TMEM117: variants seen among roughly 807,000 people sequenced by gnomAD.
The protein encoded by TMEM117 is transmembrane protein 117.
In TMEM117, 27 loss-of-function variants were observed where a neutral mutation model predicts 52.4. That is an observed-to-expected ratio of 0.51 (90% CI 0.38 to 0.71). The LOEUF is 0.71. TMEM117 is among the 30% of genes least tolerant of loss of function. The probability of loss-of-function intolerance (pLI) is 0.00; values close to 1 mark genes in which losing one functional copy is unlikely to be tolerated. For synonymous variants in TMEM117, 215 were observed against 206.3 expected (o/e 1.04, Z -0.36); for missense variants, 556 against 630.5 (o/e 0.88, Z 1.26).
rs560667880 is a variant in TMEM117 at position 44,254,393 on chromosome 12, A to G, written c.608+43006A>G. On this transcript the variant is annotated intron_variant, in intron 5 of 7. Transcript: ENST00000266534. ...GAAATGACTTCTAAATATACAAAAT[A>G]AAAACCTCATTATTGATAACACAAA... Among the ~76,000 whole-genome samples, 10 of 152,140 alleles carry G rather than the reference A, an allele frequency of 6.6e-5. No homozygotes were observed. The South Asian group carries it at 1.7e-3, about 25-fold the overall frequency.
chr12:43,816,788 A>C, the TMEM117 span, among the ~76,000 whole-genome samples: 2 of 152,260 alleles, frequency 1.3e-5, no homozygotes, highest in Non-Finnish European at 2.9e-5. Flanking sequence ...ATATTGTTGA[A>C]GTTATTGAAA....
intron 3 of TMEM117, among the ~76,000 whole-genome samples, chr12:44,010,731 A>G (rs1474346432): frequency 1.3e-5 from 2 of 152,152 alleles, no homozygotes; most frequent in East Asian, 3.9e-4. Context: ...CCCTTTTCCA[A>G]TAACACTGTA....
intron 6 of TMEM117, among the ~76,000 whole-genome samples, chr12:44,316,242 A>G (rs568838928): frequency 1.3e-5 from 2 of 151,912 alleles, no homozygotes; most frequent in African/African-American, 4.8e-5. Flanking sequence ...TCCCTTAAGG[A>G]CCTCTTTTAA....
chr12:44,129,644 G>A (rs886233166), intron 3 of TMEM117, among the ~76,000 whole-genome samples: 5 of 152,064 alleles, frequency 3.3e-5, no homozygotes, highest in Middle Eastern at 3.2e-3. Context: ...CTTTCAAATG[G>A]CACTAGATTT....
chr12:43,889,784 T>C (rs1944069027), intron 2 of TMEM117, among the ~76,000 whole-genome samples: 1 of 152,162 alleles, frequency 6.6e-6, no homozygotes, highest in Non-Finnish European at 1.5e-5. Flanking sequence ...CTTAAAACAA[T>C]GGGTGATTCT....
At chr12:43,902,784 G>A (rs889642675) in intron 2 of TMEM117, among the ~76,000 whole-genome samples, 3 of 152,074 alleles carry the variant, frequency 2.0e-5, no homozygotes, top group Non-Finnish European at 2.9e-5. Context: ...ATGGCATCAA[G>A]TAAAAATAGT....
chr12:44,126,862 G>A (rs1036968041), intron 3 of TMEM117, among the ~76,000 whole-genome samples: 1 of 152,168 alleles, frequency 6.6e-6, no homozygotes, highest in Non-Finnish European at 1.5e-5. Flanking sequence ...GTTGATGCTT[G>A]ACAGCATAAA....
intron 2 of TMEM117, among the ~76,000 whole-genome samples, chr12:43,903,963 A>G (rs1335390456): frequency 6.6e-6 from 1 of 152,106 alleles, no homozygotes; most frequent in Non-Finnish European, 1.5e-5. Flanking sequence ...ACAAAGCCCA[A>G]TTCTTTAACT....
intron 4 of TMEM117, among the ~76,000 whole-genome samples, chr12:44,186,986 A>G (rs1253284067): frequency 6.6e-6 from 1 of 152,142 alleles, no homozygotes; most frequent in Non-Finnish European, 1.5e-5. Context: ...AGTCATTTCA[A>G]CAGTGGGAGA....
chr12:44,158,716 CAAACTCT>C (rs996338002), intron 4 of TMEM117, among the ~76,000 whole-genome samples: 1 of 146,052 alleles, frequency 6.8e-6, no homozygotes, highest in East Asian at 2.2e-4. Flanking sequence ...TGGAAAATAA[CAAACTCT>C]AGAAACATTA....
chr12:43,970,716 C>T (rs545424688), intron 3 of TMEM117, among the ~76,000 whole-genome samples: 11 of 152,270 alleles, frequency 7.2e-5, no homozygotes, highest in Admixed American at 4.6e-4. Flanking sequence ...TCTGTGGTTT[C>T]GGGCGTCCAT....
chr12:44,028,126 GAGTGTGC>G (rs372182305), intron 3 of TMEM117, among the ~76,000 whole-genome samples: 35 of 152,302 alleles, frequency 2.3e-4, no homozygotes, highest in African/African-American at 8.2e-4. Context: ...CTGGGAGGTG[GAGTGTGC>G]AGTGAGCCGA....
chr12:44,220,009 G>A (rs1949767115), intron 5 of TMEM117, among the ~76,000 whole-genome samples: 1 of 152,096 alleles, frequency 6.6e-6, no homozygotes, highest in African/African-American at 2.4e-5. Context: ...ATTAGTTTTA[G>A]CATGCTCATT....
chr12:44,036,201 T>C (rs1350793177), intron 3 of TMEM117, among the ~76,000 whole-genome samples: 1 of 152,228 alleles, frequency 6.6e-6, no homozygotes, highest in East Asian at 1.9e-4. Context: ...TTAACAATGA[T>C]ATATGCATTT....
intron 3 of TMEM117, among the ~76,000 whole-genome samples, chr12:44,010,876 C>G (rs534414397): frequency 6.6e-5 from 10 of 152,290 alleles, no homozygotes; most frequent in African/African-American, 2.4e-4. Context: ...CATACATAAT[C>G]AGATACATTT....
At position 44,328,811 on chromosome 12, in the gene TMEM117, C is replaced by A. The variant is rs532906439; in HGVS notation, c.768+29072C>A. Among the ~76,000 whole-genome samples the A allele has an allele frequency of 5.9e-5, 9 of 151,986 alleles. No homozygotes were observed. In the East Asian group the frequency reaches 1.2e-3, roughly 20 times the overall value. On this transcript the variant is annotated intron_variant, in intron 6 of 7. Coordinates refer to ENST00000266534, the MANE Select transcript of TMEM117 (RefSeq NM_032256.3). ...AGAAAAGAAAGTGTCATAAATAGTT[C>A]TTAAATATAGATTTTATCAGTAAAC...
intron 3 of TMEM117, among the ~76,000 whole-genome samples, chr12:44,082,089 A>G (rs191544571): frequency 3.3e-5 from 5 of 152,070 alleles, no homozygotes; most frequent in Admixed American, 6.6e-5. Flanking sequence ...GACAGCAACT[A>G]TTGCTCATCT....
chr12:44,212,103 A>G (rs149200773), intron 5 of TMEM117, among the ~76,000 whole-genome samples: 100 of 152,320 alleles, frequency 6.6e-4, no homozygotes, highest in Non-Finnish European at 1.2e-3. Context: ...TTTCCCCCTT[A>G]TCTATGGTTT....
intron 5 of TMEM117, among the ~76,000 whole-genome samples, chr12:44,283,436 G>A (rs1195357363): frequency 3.3e-5 from 5 of 152,320 alleles, no homozygotes; most frequent in Non-Finnish European, 7.3e-5. Context: ...TTGCATCAGC[G>A]TGACCTGATT....
Sources: allele counts gnomAD v4.1 joint callset (sites outside exome capture counted in the v4.1 genomes callset), GRCh38; gene constraint gnomAD v4.1.1; transcripts MANE v1.5; gene names NCBI Gene and HGNC (gene_info 2026-07-23, HGNC 2026-07-21).